The following TENM2 variants were observed in gnomAD, a reference collection of about 807,000 sequenced individuals.
TENM2 encodes the protein teneurin-2.
In TENM2, 52 loss-of-function variants were observed where a neutral mutation model predicts 245.2. The ratio of observed to expected loss-of-function variants is 0.21; its 90% confidence interval spans 0.17 to 0.27. The LOEUF (loss-of-function observed/expected upper bound fraction) is 0.27, where lower values mean the gene tolerates loss of function less well. Ranked by LOEUF, TENM2 falls within the 10% of genes least tolerant of loss-of-function variation. The pLI is 1.00. For synonymous variants in TENM2, 1,363 were observed against 1,438.9 expected (o/e 0.95, Z 1.19); for missense variants, 3,046 against 3,666.8 (o/e 0.83, Z 4.37).
intron 5 of TENM2, among the ~76,000 whole-genome samples, chr5:168,012,874 C>T (rs1785357802): frequency 6.6e-6 from 1 of 151,432 alleles, no homozygotes; most frequent in Non-Finnish European, 1.5e-5. Flanking sequence ...ACCCTGGCAT[C>T]GTTTCTGCTG....
At chr5:168,238,746 T>C (rs1290317118) in intron 25 of TENM2, among the ~76,000 whole-genome samples, 1 of 152,186 alleles carries the variant, frequency 6.6e-6, no homozygotes, top group Non-Finnish European at 1.5e-5. Context: ...CAAAACGTTC[T>C]GGGGGGATAT....
intron 2 of TENM2, among the ~76,000 whole-genome samples, chr5:167,801,795 C>CTGGG (rs1765797758): frequency 6.6e-6 from 1 of 151,958 alleles, no homozygotes; most frequent in Non-Finnish European, 1.5e-5. Context: ...GCTTAGAGAA[C>CTGGG]TGGGTGGGGC....
chr5:167,652,688 C>G (rs773526517), intron 2 of TENM2, among the ~76,000 whole-genome samples: 2 of 152,152 alleles, frequency 1.3e-5, no homozygotes, highest in African/African-American at 2.4e-5. Context: ...CCATGTCTCT[C>G]TTTCCTTAAT....
intron 2 of TENM2, among the ~76,000 whole-genome samples, chr5:167,405,773 C>CACACACACACACACACAT (rs1762604030): frequency 6.7e-6 from 1 of 150,198 alleles, no homozygotes; most frequent in Non-Finnish European, 1.5e-5. Context: ...CACACAAACA[C>CACACACACACACACACAT]ACACACACAC....
chr5:167,916,691 C>T (rs186757269), intron 3 of TENM2, among the ~76,000 whole-genome samples: 8 of 152,020 alleles, frequency 5.3e-5, no homozygotes, highest in Admixed American at 2.0e-4. Context: ...GAGCAGAGCT[C>T]GGATCTTCCT....
intron 5 of TENM2, among the ~76,000 whole-genome samples, chr5:168,020,357 C>T (rs896582982): frequency 6.6e-6 from 1 of 152,184 alleles, no homozygotes; most frequent in Non-Finnish European, 1.5e-5. Flanking sequence ...AGACAGTACC[C>T]ACATTCCTGC....
chr5:168,252,340 G>A (rs1225960563), intron 27 of TENM2, among the ~76,000 whole-genome samples: 2 of 145,540 alleles, frequency 1.4e-5, no homozygotes, highest in East Asian at 4.1e-4. Flanking sequence ...ATTGTGCCAT[G>A]GCACTCTTTT....
chr5:167,407,262 A>C (rs1420813168), intron 2 of TENM2, among the ~76,000 whole-genome samples: 1 of 152,152 alleles, frequency 6.6e-6, no homozygotes, highest in East Asian at 1.9e-4. Flanking sequence ...CAGACTAAAA[A>C]TATAAATAAC....
the TENM2 span, among the ~76,000 whole-genome samples, chr5:167,081,019 T>G: frequency 6.6e-6 from 1 of 151,988 alleles, no homozygotes; most frequent in African/African-American, 2.4e-5. Flanking sequence ...ATGTTACTGA[T>G]CACATATTAG....
intron 4 of TENM2, among the ~76,000 whole-genome samples, chr5:167,983,088 G>A (rs984107233): frequency 7.5e-5 from 11 of 147,236 alleles, no homozygotes; most frequent in South Asian, 2.2e-4. Context: ...AAAGTCAGAC[G>A]TCTTTGTTTT....
chr5:167,240,240 G>A, the TENM2 span, among the ~76,000 whole-genome samples: 2 of 151,304 alleles, frequency 1.3e-5, no homozygotes, highest in African/African-American at 2.4e-5. Flanking sequence ...AGACAACAAA[G>A]TGACTTTGGT....
chr5:167,282,810 G>A (rs1474598879), upstream of TENM2, among the ~76,000 whole-genome samples: 1 of 152,078 alleles, frequency 6.6e-6, no homozygotes, highest in East Asian at 1.9e-4. Context: ...TGGGCATCTA[G>A]TAATTGCCTT....
intron 2 of TENM2, among the ~76,000 whole-genome samples, chr5:167,602,084 C>T (rs573923930): frequency 6.6e-6 from 1 of 151,776 alleles, no homozygotes; most frequent in Non-Finnish European, 1.5e-5. Context: ...AAGGTTTTGG[C>T]CATGAATACT....
the TENM2 span, among the ~76,000 whole-genome samples, chr5:167,153,208 C>A: frequency 6.6e-6 from 1 of 151,788 alleles, no homozygotes; most frequent in Admixed American, 6.6e-5. Context: ...CCTTTTGACT[C>A]CCCCCAAACT....
exon 1 of TENM2, chr5:167,284,876 A>C (rs1235511898): frequency 1.9e-6 from 3 of 1,551,810 alleles, no homozygotes; most frequent in East Asian, 4.9e-5. Context: ...CTTTGACCAG[A>C]GGACGCTGTG....
chr5:167,841,274 A>G (rs1769491014), intron 2 of TENM2, among the ~76,000 whole-genome samples: 1 of 152,070 alleles, frequency 6.6e-6, no homozygotes, highest in South Asian at 2.1e-4. Flanking sequence ...GAGCAGGCTG[A>G]TCTCGAACCT....
chr5:168,053,867 T>C (rs2152065392), intron 6 of TENM2, among the ~76,000 whole-genome samples: 1 of 152,226 alleles, frequency 6.6e-6, no homozygotes. Context: ...TGATCATAGA[T>C]CTACCAGTAA....
chr5:167,261,008 A>C, the TENM2 span, among the ~76,000 whole-genome samples: 1 of 152,302 alleles, frequency 6.6e-6, no homozygotes, highest in African/African-American at 2.4e-5. Flanking sequence ...CATAGATGAG[A>C]AAACATGGAA....
At chr5:167,000,659 A>G in the TENM2 span, among the ~76,000 whole-genome samples, 1 of 152,166 alleles carries the variant, frequency 6.6e-6, no homozygotes, top group Non-Finnish European at 1.5e-5. Flanking sequence ...TAAAATGGAG[A>G]AAATAGATTG....
Sources: gnomAD v4.1 joint callset for allele counts (sites outside exome capture counted in the v4.1 genomes callset) on GRCh38, gnomAD v4.1.1 for gene constraint, MANE v1.5 for transcripts, NCBI Gene and HGNC (gene_info 2026-07-23, HGNC 2026-07-21) for gene names.